CADPS2: variants seen among roughly 807,000 people sequenced by gnomAD.
CADPS2 encodes calcium-dependent secretion activator 2.
In CADPS2, 93 loss-of-function variants were observed where a neutral mutation model predicts 172.5. The ratio of observed to expected loss-of-function variants is 0.54; its 90% CI spans 0.46 to 0.64. The LOEUF (loss-of-function observed/expected upper bound fraction) is 0.64. Ranked by LOEUF, CADPS2 falls within the 30% of genes least tolerant of loss-of-function variation. The probability of loss-of-function intolerance (pLI) is 0.00; values close to 1 mark genes in which losing one functional copy is unlikely to be tolerated. For synonymous variants in CADPS2, 546 were observed against 555.2 expected, an observed-to-expected ratio of 0.98 and a Z score of 0.23; for missense variants, 1,420 against 1,565.9, an observed-to-expected ratio of 0.91 and a Z score of 1.57.
intron 3 of CADPS2, among the ~76,000 whole-genome samples, chr7:122,629,931 CTCA>C (rs900607379): frequency 1.3e-5 from 2 of 152,068 alleles, no homozygotes; most frequent in African/African-American, 4.8e-5. Context: ...AAAGTGTGCT[CTCA>C]TCATTTTTTT....
intron 8 of CADPS2, among the ~76,000 whole-genome samples, chr7:122,546,178 TG>T (rs1760285152): frequency 6.6e-6 from 1 of 152,198 alleles, no homozygotes; most frequent in East Asian, 1.9e-4. Context: ...TTTTATAATC[TG>T]AACACACATC....
chr7:122,701,448 G>C (rs1045557547), intron 2 of CADPS2, among the ~76,000 whole-genome samples: 2 of 152,138 alleles, frequency 1.3e-5, no homozygotes, highest in Admixed American at 6.5e-5. Flanking sequence ...TGTGGGGTGG[G>C]GGAAGCGGGG....
At chr7:122,411,764 C>A (rs557047560) in intron 19 of CADPS2, among the ~76,000 whole-genome samples, 1 of 152,206 alleles carries the variant, frequency 6.6e-6, no homozygotes, top group South Asian at 2.1e-4. Context: ...CTCACATACA[C>A]AGCGACATGA....
intron 28 of CADPS2, among the ~76,000 whole-genome samples, chr7:122,344,594 A>C (rs1204939433): frequency 6.6e-6 from 1 of 152,176 alleles, no homozygotes; most frequent in Non-Finnish European, 1.5e-5. Flanking sequence ...CAAGATAAAA[A>C]TGTTCAACAG....
intron 7 of CADPS2, among the ~76,000 whole-genome samples, chr7:122,578,209 GCA>G (rs897728600): frequency 1.4e-4 from 21 of 151,080 alleles, no homozygotes; most frequent in African/African-American, 5.2e-4. Flanking sequence ...GGTAATGTGT[GCA>G]CATATATATA....
chr7:122,403,298 C>T (rs1418530647), intron 20 of CADPS2, among the ~76,000 whole-genome samples: 1 of 152,114 alleles, frequency 6.6e-6, no homozygotes, highest in African/African-American at 2.4e-5. Flanking sequence ...ACTCTCAGTA[C>T]CAAAAGGAAA....
At chr7:122,451,327 G>A (rs1250188256) in intron 15 of CADPS2, 47 bp downstream of exon 15, 3 of 1,005,742 alleles carry the variant, frequency 3.0e-6, no homozygotes, top group Non-Finnish European at 4.2e-6. Context: ...AGTAAGGGTT[G>A]AGTAAAGTAT....
chr7:122,582,948 T>G (rs1432550383), intron 6 of CADPS2, among the ~76,000 whole-genome samples: 1 of 152,054 alleles, frequency 6.6e-6, no homozygotes, highest in East Asian at 1.9e-4. Context: ...CATGTTCATT[T>G]TTAATTCCCA....
chr7:122,618,043 C>A (rs200372150), intron 5 of CADPS2, among the ~76,000 whole-genome samples: 22 of 145,680 alleles, frequency 1.5e-4, no homozygotes, highest in South Asian at 2.2e-4. Flanking sequence ...GATTCCATCT[C>A]AAAAAAAAAA....
chr7:122,567,535 C>A (rs549261315), intron 7 of CADPS2, among the ~76,000 whole-genome samples: 1 of 152,078 alleles, frequency 6.6e-6, no homozygotes, highest in South Asian at 2.1e-4. Flanking sequence ...AATAAATGTA[C>A]AATCTTCTAA....
At chr7:122,705,725 TC>T (rs11313804) in intron 2 of CADPS2, among the ~76,000 whole-genome samples, 836 of 17,162 alleles carry the variant, frequency 0.049, 7 homozygotes, top group Admixed American at 0.069. Flanking sequence ...ATATAATATA[TC>T]ATATATTATA....
chr7:122,494,040 T>G (rs1586610905), intron 9 of CADPS2, among the ~76,000 whole-genome samples: 1 of 152,142 alleles, frequency 6.6e-6, no homozygotes, highest in Non-Finnish European at 1.5e-5. Context: ...TTCGTAGAAA[T>G]GGTGAACATC....
At chr7:122,387,317 G>A (rs530861221) in intron 23 of CADPS2, 144 bp from the exon 24 acceptor site, 3 of 732,986 alleles carry the variant, frequency 4.1e-6, no homozygotes, top group East Asian at 2.8e-5. Flanking sequence ...GGGAGCTAAG[G>A]GGTGGGATGC....
At chr7:122,467,634 C>T (rs2055333908) in intron 14 of CADPS2, among the ~76,000 whole-genome samples, 1 of 152,204 alleles carries the variant, frequency 6.6e-6, no homozygotes, top group African/African-American at 2.4e-5. Flanking sequence ...TGCAGCAGCT[C>T]TAAGACAGCC....
intron 28 of CADPS2, among the ~76,000 whole-genome samples, chr7:122,330,445 C>T (rs973107288): frequency 7.2e-5 from 11 of 152,132 alleles, no homozygotes; most frequent in African/African-American, 2.7e-4. Flanking sequence ...CATGTCTAAA[C>T]ACTAAAACGC....
At chr7:122,824,070 A>G (rs748242384) in intron 1 of CADPS2, among the ~76,000 whole-genome samples, 11 of 152,202 alleles carry the variant, frequency 7.2e-5, no homozygotes, top group Non-Finnish European at 1.5e-5. Context: ...TCTGCAGTTA[A>G]TGGCTTACTC....
chr7:122,806,276 G>T (rs1589309353), intron 1 of CADPS2, among the ~76,000 whole-genome samples: 1 of 152,148 alleles, frequency 6.6e-6, no homozygotes, highest in South Asian at 2.1e-4. Flanking sequence ...GTATTGTGAT[G>T]ATCTCAGTTC....
intron 28 of CADPS2, among the ~76,000 whole-genome samples, chr7:122,334,364 G>A (rs915102846): frequency 6.6e-6 from 1 of 152,188 alleles, no homozygotes; most frequent in Non-Finnish European, 1.5e-5. Context: ...GTATTAGGAG[G>A]CATGGCTGGA....
intron 15 of CADPS2, among the ~76,000 whole-genome samples, chr7:122,449,106 T>C (rs1272776483): frequency 6.6e-6 from 1 of 152,152 alleles, no homozygotes; most frequent in Non-Finnish European, 1.5e-5. Flanking sequence ...AATTTATTTA[T>C]TGTTTAAAAC....
Sources: gnomAD v4.1 joint callset for allele counts (sites outside exome capture counted in the v4.1 genomes callset) on GRCh38, gnomAD v4.1.1 for gene constraint, MANE v1.5 for transcripts, NCBI Gene and HGNC (gene_info 2026-07-23, HGNC 2026-07-21) for gene names.